The following SULF2 variants were observed in gnomAD, a reference collection of about 807,000 sequenced individuals.
SULF2 encodes the protein extracellular sulfatase Sulf-2.
In SULF2, 52 loss-of-function variants were observed where a neutral mutation model predicts 107.7. The observed-to-expected ratio is 0.48, with a 90% CI of 0.39 to 0.61. The LOEUF is 0.61. Ranked by LOEUF, SULF2 falls within the 20% of genes least tolerant of loss-of-function variation. The probability of loss-of-function intolerance (pLI) is 0.00; values close to 1 mark genes in which losing one functional copy is unlikely to be tolerated. For missense variants in SULF2, 993 were observed against 1,177.3 expected (o/e 0.84, Z 2.29); for synonymous variants, 460 against 464.3 (o/e 0.99, Z 0.12).
chr20:47,702,197 A>T (rs532848815), intron 4 of SULF2, among the ~76,000 whole-genome samples: 1 of 152,278 alleles, frequency 6.6e-6, no homozygotes, highest in East Asian at 1.9e-4. Flanking sequence ...AGCTGGGTCC[A>T]CAGGCATGTG....
At chr20:47,701,269 G>T (rs1292278668) in intron 4 of SULF2, among the ~76,000 whole-genome samples, 1 of 152,208 alleles carries the variant, frequency 6.6e-6, no homozygotes, top group Non-Finnish European at 1.5e-5. Flanking sequence ...TCCCCAGGGT[G>T]GGGGGTCATG....
intron 11 of SULF2, among the ~76,000 whole-genome samples, chr20:47,671,638 G>A (rs2087474240): frequency 6.6e-6 from 1 of 152,068 alleles, no homozygotes; most frequent in African/African-American, 2.4e-5. Flanking sequence ...GGCTCCTAGG[G>A]GAAGCACAGA....
At chr20:47,696,297 G>A (rs1217618645) in intron 4 of SULF2, among the ~76,000 whole-genome samples, 2 of 152,130 alleles carry the variant, frequency 1.3e-5, no homozygotes, top group African/African-American at 4.8e-5. Flanking sequence ...GTCTAAATGA[G>A]TGTTAGTCAT....
At chr20:47,742,807 G>A (rs899265269) in intron 2 of SULF2, among the ~76,000 whole-genome samples, 30 of 152,048 alleles carry the variant, frequency 2.0e-4, no homozygotes, top group Admixed American at 2.0e-3. Flanking sequence ...CACAGATGAC[G>A]ACGTTGCCAG....
chr20:47,719,701 C>G (rs778158257), intron 3 of SULF2, among the ~76,000 whole-genome samples: 12 of 152,194 alleles, frequency 7.9e-5, no homozygotes, highest in Non-Finnish European at 1.6e-4. Context: ...GAGGGCTCAG[C>G]AAACTATTTC....
intron 3 of SULF2, among the ~76,000 whole-genome samples, chr20:47,714,599 C>T (rs1386022409): frequency 6.6e-6 from 1 of 152,324 alleles, no homozygotes; most frequent in South Asian, 2.1e-4. Context: ...AGAAGGATCC[C>T]ATTAAATCAC....
At chr20:47,683,868 T>C (rs1304778977) in intron 6 of SULF2, among the ~76,000 whole-genome samples, 1 of 152,212 alleles carries the variant, frequency 6.6e-6, no homozygotes, top group Non-Finnish European at 1.5e-5. Context: ...CACGTGGCGC[T>C]AAGTGAAAGA....
chr20:47,734,811 T>C (rs1429712072), intron 3 of SULF2, among the ~76,000 whole-genome samples: 1 of 152,242 alleles, frequency 6.6e-6, no homozygotes, highest in Non-Finnish European at 1.5e-5. Context: ...ACGCTCCCAG[T>C]CTTCATGAGG....
chr20:47,715,650 C>T (rs532004003), intron 3 of SULF2, among the ~76,000 whole-genome samples: 1 of 151,368 alleles, frequency 6.6e-6, no homozygotes, highest in African/African-American at 2.4e-5. Context: ...GGCACGATCT[C>T]GGCTCACTGC....
At chr20:47,756,372 C>A (rs1292882283) in intron 2 of SULF2, among the ~76,000 whole-genome samples, 1 of 152,044 alleles carries the variant, frequency 6.6e-6, no homozygotes, top group East Asian at 1.9e-4. Context: ...GAGAAGCTCC[C>A]GGAGGAAAAA....
chr20:47,746,516 C>A (rs542162121), intron 2 of SULF2, among the ~76,000 whole-genome samples: 2 of 152,280 alleles, frequency 1.3e-5, no homozygotes, highest in East Asian at 3.9e-4. Context: ...CTGCCATGAC[C>A]AAGGCAACAC....
chr20:47,764,636 C>T (rs56340917), intron 1 of SULF2, among the ~76,000 whole-genome samples: 2 of 152,304 alleles, frequency 1.3e-5, no homozygotes, highest in Admixed American at 6.5e-5. Flanking sequence ...GAATATGGTG[C>T]TGATGGTGGC....
chr20:47,690,253 A>G lies in SULF2; in HGVS notation c.610T>C (p.Phe204Leu). ...DLITNDSVSF[F>L]RTSKKMYPHR... Reference sequence around the variant, plus strand: ...GGGTACATCTTCTTGGACGTGCGGAAGAAGCTCACGCTGTCATTGGTGATG... The same window carrying G: ...GGGTACATCTTCTTGGACGTGCGGAGGAAGCTCACGCTGTCATTGGTGATG... The change falls in exon 5 of 21, where the codon TTC (phenylalanine) becomes CTC (leucine). Residue 204 changes from phenylalanine (F) to leucine (L), a missense_variant. This residue lies in a region of SULF2 where 388 missense variants were observed against 449.2 expected (regional missense o/e 0.86). Coordinates refer to ENST00000688720, the MANE Select transcript of SULF2 (RefSeq NM_001387048.1). 1 of 1,566,688 alleles carries G rather than the reference A, an allele frequency of 6.4e-7. No homozygotes were observed. Among genetic ancestry groups the G allele is most frequent in the Non-Finnish European group, 8.7e-7 (1 of 1,153,114 alleles).
At chr20:47,729,697 A>G (rs940560049) in intron 3 of SULF2, among the ~76,000 whole-genome samples, 1 of 152,158 alleles carries the variant, frequency 6.6e-6, no homozygotes, top group African/African-American at 2.4e-5. Flanking sequence ...GGGACCAGGA[A>G]GTGATGCTGG....
intron 5 of SULF2, among the ~76,000 whole-genome samples, chr20:47,687,435 C>T (rs189287708): frequency 6.6e-6 from 1 of 152,328 alleles, no homozygotes; most frequent in East Asian, 1.9e-4. Flanking sequence ...AGACCATCCC[C>T]CTTCCCTTCT....
chr20:47,713,557 TG>T (rs2089004443), intron 3 of SULF2, among the ~76,000 whole-genome samples: 1 of 151,644 alleles, frequency 6.6e-6, no homozygotes, highest in Admixed American at 6.6e-5. Flanking sequence ...TCTATAAAAA[TG>T]GGGGCAGCAA....
chr20:47,781,168 T>C (rs894470218), intron 1 of SULF2, among the ~76,000 whole-genome samples: 3 of 152,230 alleles, frequency 2.0e-5, no homozygotes, highest in African/African-American at 4.8e-5. Flanking sequence ...AGTCAGGCCT[T>C]TGATGCCTCC....
chr20:47,717,816 T>G (rs891311062), intron 3 of SULF2, among the ~76,000 whole-genome samples: 14 of 147,194 alleles, frequency 9.5e-5, no homozygotes, highest in African/African-American at 3.3e-4. Context: ...AGAGATAATT[T>G]TTTTTTTTTT....
At chr20:47,705,010 G>A (rs984883219) in intron 3 of SULF2, among the ~76,000 whole-genome samples, 3 of 152,204 alleles carry the variant, frequency 2.0e-5, no homozygotes, top group Non-Finnish European at 4.4e-5. Flanking sequence ...GGTTTTCCTG[G>A]TGACCTGGCA....
Sources: allele counts gnomAD v4.1 joint callset (sites outside exome capture counted in the v4.1 genomes callset), GRCh38; gene constraint gnomAD v4.1.1; regional missense constraint gnomAD v4.1.1; transcripts MANE v1.5; gene names NCBI Gene and HGNC (gene_info 2026-07-23, HGNC 2026-07-21).